Variants in PTPN4 observed in about 807,000 individuals in gnomAD.
PTPN4 encodes the protein tyrosine-protein phosphatase non-receptor type 4.
PTPN4 carries 49 observed loss-of-function variants against 135.5 expected under a neutral mutation model. The ratio of observed to expected loss-of-function variants is 0.36; its 90% CI spans 0.29 to 0.46. PTPN4 has a LOEUF of 0.46. Among genes scored for constraint, PTPN4 ranks in the 20% least tolerant of loss-of-function variants. The pLI, the probability that PTPN4 is intolerant of heterozygous loss-of-function variation, is 1.00. For missense variants in PTPN4, 860 were observed against 1,101.0 expected (o/e 0.78, Z 3.10); for synonymous variants, 333 against 369.9 (o/e 0.90, Z 1.14).
intron 26 of PTPN4, among the ~76,000 whole-genome samples, chr2:119,971,558 A>G (rs1453269713): frequency 4.6e-5 from 7 of 151,954 alleles, no homozygotes; most frequent in Admixed American, 2.6e-4. Flanking sequence ...TATTTTTTTT[A>G]TGTTTTCTGG....
intron 1 of PTPN4, among the ~76,000 whole-genome samples, chr2:119,778,082 C>T (rs1332297337): frequency 2.0e-5 from 3 of 151,448 alleles, no homozygotes; most frequent in Non-Finnish European, 4.4e-5. Flanking sequence ...AAGAGAGGAA[C>T]AATAAAGCTT....
At chr2:119,905,037 A>AG (rs1678465946) in intron 10 of PTPN4, among the ~76,000 whole-genome samples, 1 of 56,768 alleles carries the variant, frequency 1.8e-5, no homozygotes, top group African/African-American at 4.8e-5. Context: ...TATTACTACA[A>AG]AAAAAAAAAA....
Position 119,801,900 on chromosome 2 carries a change from G to GTTTTT in PTPN4, c.-17-7921_-17-7917dup, listed in dbSNP as rs768983862. Among the ~76,000 whole-genome samples the GTTTTT allele has an allele frequency of 1.7e-4, 17 of 98,760 alleles. 1 individual carries two copies. The highest frequency in any genetic ancestry group is 3.9e-4 in the South Asian group (1 of 2,596). The allele number at this position is 98,760 out of a possible 152,430, so 64.8% of individuals were successfully genotyped here. On this transcript the variant is annotated intron_variant, in intron 1 of 26. Transcript: ENST00000263708. ...TTCTGTTTTTTCTTTCTTTCTTTCCGTTTTTTTTTTTTTTTTTTTTGAGGC... is the reference window on the plus strand; with the variant it reads ...TTCTGTTTTTTCTTTCTTTCTTTCCGTTTTTTTTTTTTTTTTTTTTTTTTTGAGGC...
At chr2:119,976,285 C>G (rs1679617756) in intron 26 of PTPN4, among the ~76,000 whole-genome samples, 1 of 152,180 alleles carries the variant, frequency 6.6e-6, no homozygotes, top group Non-Finnish European at 1.5e-5. Context: ...GCGTGAGCCA[C>G]CGCACCCGGC....
At chr2:119,780,433 C>A (rs998952932) in intron 1 of PTPN4, among the ~76,000 whole-genome samples, 1 of 152,152 alleles carries the variant, frequency 6.6e-6, no homozygotes, top group Non-Finnish European at 1.5e-5. Flanking sequence ...ACCCTAACCC[C>A]CCGCCAAATC....
intron 1 of PTPN4, among the ~76,000 whole-genome samples, chr2:119,803,679 A>G (rs1691415268): frequency 6.6e-6 from 1 of 152,150 alleles, no homozygotes; most frequent in Admixed American, 6.5e-5. Context: ...ATTAGATCCT[A>G]TTGGTTGTTA....
chr2:119,975,762 G>T (rs1453951553), intron 26 of PTPN4, among the ~76,000 whole-genome samples: 1 of 151,856 alleles, frequency 6.6e-6, no homozygotes, highest in Non-Finnish European at 1.5e-5. Flanking sequence ...CCTCTATATG[G>T]TTGTCATCAA....
intron 1 of PTPN4, among the ~76,000 whole-genome samples, chr2:119,765,946 G>A (rs1690608873): frequency 1.3e-5 from 2 of 151,710 alleles, no homozygotes; most frequent in South Asian, 2.1e-4. Context: ...GCGCGCGCAT[G>A]TGCGTTGATT....
intron 2 of PTPN4, among the ~76,000 whole-genome samples, chr2:119,821,185 C>G (rs1486278673): frequency 6.6e-6 from 1 of 151,276 alleles, no homozygotes; most frequent in East Asian, 1.9e-4. Context: ...CTCCGCCTCC[C>G]AGGTTCAAGT....
At chr2:119,908,817 A>C (rs1172885206) in intron 10 of PTPN4, among the ~76,000 whole-genome samples, 1 of 152,152 alleles carries the variant, frequency 6.6e-6, no homozygotes, top group Non-Finnish European at 1.5e-5. Flanking sequence ...GCAAAGGATA[A>C]ATTTTTGAAG....
intron 12 of PTPN4, among the ~76,000 whole-genome samples, chr2:119,920,962 A>C (rs1053525486): frequency 2.0e-5 from 3 of 152,190 alleles, no homozygotes; most frequent in Non-Finnish European, 4.4e-5. Context: ...TATGCTTCAC[A>C]TAATAAGATT....
chr2:119,813,278 G>A (rs1020661711), intron 2 of PTPN4, among the ~76,000 whole-genome samples: 2 of 149,254 alleles, frequency 1.3e-5, no homozygotes, highest in East Asian at 2.0e-4. Flanking sequence ...ACGGAGTTTC[G>A]CTGTTGTTGC....
chr2:119,829,864 C>T (rs1344711902), intron 2 of PTPN4, among the ~76,000 whole-genome samples: 1 of 152,122 alleles, frequency 6.6e-6, no homozygotes, highest in African/African-American at 2.4e-5. Flanking sequence ...CGTGATAATT[C>T]AGTGTTTAAC....
chr2:119,812,513 G>A (rs1405142131), intron 2 of PTPN4, among the ~76,000 whole-genome samples: 1 of 152,168 alleles, frequency 6.6e-6, no homozygotes, highest in East Asian at 1.9e-4. Context: ...GGAAATTTTT[G>A]TAATGAAGGA....
intron 2 of PTPN4, among the ~76,000 whole-genome samples, chr2:119,835,810 C>G (rs1167315123): frequency 1.3e-5 from 2 of 152,126 alleles, no homozygotes; most frequent in Admixed American, 1.3e-4. Context: ...TGGCTCACAC[C>G]TGTAATCCCA....
At chr2:119,905,407 G>A (rs943865300) in intron 10 of PTPN4, among the ~76,000 whole-genome samples, 4 of 152,044 alleles carry the variant, frequency 2.6e-5, no homozygotes, top group Non-Finnish European at 5.9e-5. Flanking sequence ...AATGATAAAG[G>A]GATCAATTCA....
chr2:119,957,602 T>A (rs185166056), intron 22 of PTPN4, among the ~76,000 whole-genome samples: 134 of 151,856 alleles, frequency 8.8e-4, no homozygotes, highest in African/African-American at 3.0e-3. Flanking sequence ...AATACGTCAT[T>A]GTAAAGAGGC....
Position 119,984,132 on chromosome 2 carries a change from T to C in PTPN4, c.*7062T>C, listed in dbSNP as rs1326459216. On this transcript the variant is annotated 3_prime_UTR_variant, in exon 27 of 27. Coordinates refer to ENST00000263708, the MANE Select transcript of PTPN4 (RefSeq NM_002830.4). ...CTCCAGCATCAGGACATTACAGTTGTAATCTATGTTGTAATCTTTTCAAAT... is the reference window on the plus strand; with the variant it reads ...CTCCAGCATCAGGACATTACAGTTGCAATCTATGTTGTAATCTTTTCAAAT... Among the ~76,000 whole-genome samples, 1 of 152,222 alleles carries C rather than the reference T, an allele frequency of 6.6e-6. No homozygotes were observed. The highest frequency in any genetic ancestry group is 2.4e-5 in the African/African-American group (1 of 41,460).
chr2:119,935,604 T>A (rs1388191674), intron 15 of PTPN4, among the ~76,000 whole-genome samples: 1 of 152,186 alleles, frequency 6.6e-6, no homozygotes, highest in Non-Finnish European at 1.5e-5. Context: ...TGATTGTGTG[T>A]ATATATTATT....
Sources: allele counts gnomAD v4.1 joint callset (sites outside exome capture counted in the v4.1 genomes callset), GRCh38; gene constraint gnomAD v4.1.1; transcripts MANE v1.5; gene names NCBI Gene and HGNC (gene_info 2026-07-23, HGNC 2026-07-21).